The following TOX variants were observed in gnomAD, a reference collection of about 807,000 sequenced individuals.
TOX encodes thymocyte selection-associated high mobility group box protein TOX.
A neutral mutation model predicts 53.7 loss-of-function variants in TOX; 11 were observed. That is an observed-to-expected ratio of 0.20 (90% CI 0.13 to 0.34). The LOEUF (loss-of-function observed/expected upper bound fraction) is 0.34, where lower values mean the gene tolerates loss of function less well. TOX is among the 10% of genes least tolerant of loss of function. TOX has a pLI of 1.00. For missense variants in TOX, 570 were observed against 664.6 expected (o/e 0.86, Z 1.56); for synonymous variants, 225 against 245.3 (o/e 0.92, Z 0.77).
At chr8:59,015,410 C>T (rs1813989202) in intron 1 of TOX, among the ~76,000 whole-genome samples, 1 of 152,192 alleles carries the variant, frequency 6.6e-6, no homozygotes, top group Non-Finnish European at 1.5e-5. Context: ...CCTCCCCCAA[C>T]ATGCAAAATA....
chr8:58,890,159 G>GT, intron 3 of TOX, among the ~76,000 whole-genome samples: 1 of 152,062 alleles, frequency 6.6e-6, no homozygotes. Flanking sequence ...TACATCAATT[G>GT]TTCAGTAAAT....
At chr8:58,970,383 C>T (rs1812980479) in intron 1 of TOX, among the ~76,000 whole-genome samples, 1 of 152,198 alleles carries the variant, frequency 6.6e-6, no homozygotes, top group Non-Finnish European at 1.5e-5. Flanking sequence ...CTCCCACTTC[C>T]TTCTATTTCT....
intron 3 of TOX, among the ~76,000 whole-genome samples, chr8:58,928,267 T>C (rs1812198179): frequency 6.6e-6 from 1 of 152,240 alleles, no homozygotes; most frequent in Non-Finnish European, 1.5e-5. Flanking sequence ...CAGGCCAGCC[T>C]TGTGTGCTAT....
At chr8:58,987,966 G>A (rs1487877215) in intron 1 of TOX, among the ~76,000 whole-genome samples, 1 of 152,230 alleles carries the variant, frequency 6.6e-6, no homozygotes, top group Non-Finnish European at 1.5e-5. Context: ...GACATAACTA[G>A]TTGAAAGTAA....
At chr8:59,037,258 T>C (rs1010506152) in intron 1 of TOX, among the ~76,000 whole-genome samples, 1 of 151,912 alleles carries the variant, frequency 6.6e-6, no homozygotes, top group Non-Finnish European at 1.5e-5. Flanking sequence ...CAAATGTTGG[T>C]ATATTTCCTT....
chr8:59,009,584 G>A (rs1003605430), intron 1 of TOX, among the ~76,000 whole-genome samples: 8 of 151,996 alleles, frequency 5.3e-5, no homozygotes, highest in African/African-American at 1.9e-4. Flanking sequence ...TGTTGGCCAG[G>A]CTGGTCTCGA....
At chr8:58,987,205 C>A (rs1033393610) in intron 1 of TOX, among the ~76,000 whole-genome samples, 2 of 152,254 alleles carry the variant, frequency 1.3e-5, no homozygotes, top group Admixed American at 1.3e-4. Context: ...CCTTAGTGTT[C>A]CAGATGCATT....
chr8:58,939,912 G>A (rs1812407866), intron 2 of TOX, among the ~76,000 whole-genome samples: 1 of 152,214 alleles, frequency 6.6e-6, no homozygotes, highest in South Asian at 2.1e-4. Flanking sequence ...GATCAAACAT[G>A]TTTCACGGGG....
chr8:58,929,236 C>T (rs140786007), intron 3 of TOX, among the ~76,000 whole-genome samples: 2,643 of 151,942 alleles, frequency 0.017, 68 homozygotes, highest in African/African-American at 0.06. Context: ...AAAAAAGACA[C>T]GCTCTCTGGA....
chr8:59,007,902 C>T (rs1044288243), intron 1 of TOX, among the ~76,000 whole-genome samples: 3 of 152,156 alleles, frequency 2.0e-5, no homozygotes, highest in East Asian at 1.9e-4. Context: ...GCACTGATAA[C>T]CTGATTGAGG....
chr8:59,010,031 T>C (rs897555178), intron 1 of TOX, among the ~76,000 whole-genome samples: 15 of 152,238 alleles, frequency 9.9e-5, no homozygotes, highest in African/African-American at 3.6e-4. Context: ...ACTGGGGCAC[T>C]ATAGAGTTTC....
At chr8:59,074,058 C>T (rs1424675058) in intron 1 of TOX, among the ~76,000 whole-genome samples, 1 of 152,116 alleles carries the variant, frequency 6.6e-6, no homozygotes, top group Non-Finnish European at 1.5e-5. Flanking sequence ...GTACCACGAC[C>T]ACAAAATAAG....
chr8:59,068,297 G>GAT (rs1354380975), intron 1 of TOX, among the ~76,000 whole-genome samples: 3 of 151,834 alleles, frequency 2.0e-5, no homozygotes, highest in African/African-American at 7.3e-5. Context: ...ATTATGACAA[G>GAT]ATATAAGGCA....
At chr8:59,113,613 T>G (rs888440650) in intron 1 of TOX, among the ~76,000 whole-genome samples, 4 of 152,118 alleles carry the variant, frequency 2.6e-5, no homozygotes, top group African/African-American at 9.7e-5. Flanking sequence ...CAATGGTGAT[T>G]AGTATCCAGT....
At chr8:58,979,012 T>C (rs1813155886) in intron 1 of TOX, among the ~76,000 whole-genome samples, 2 of 152,242 alleles carry the variant, frequency 1.3e-5, no homozygotes, top group African/African-American at 4.8e-5. Flanking sequence ...TTGTAGTCCC[T>C]ACCATACTGA....
At chr8:58,872,465 G>GA (rs1811215076) in intron 3 of TOX, among the ~76,000 whole-genome samples, 3 of 151,234 alleles carry the variant, frequency 2.0e-5, no homozygotes, top group African/African-American at 7.3e-5. Flanking sequence ...GGAAAGGGAG[G>GA]GAAAAAAAAG....
At chr8:58,889,942 G>A (rs951508717) in intron 3 of TOX, among the ~76,000 whole-genome samples, 2 of 152,098 alleles carry the variant, frequency 1.3e-5, no homozygotes, top group African/African-American at 4.8e-5. Flanking sequence ...GGCTATATAT[G>A]TTATGACATA....
intron 1 of TOX, among the ~76,000 whole-genome samples, chr8:59,101,063 G>A (rs1804799504): frequency 6.6e-6 from 1 of 152,070 alleles, no homozygotes; most frequent in Non-Finnish European, 1.5e-5. Flanking sequence ...TTCTACTCTC[G>A]GTCATCTCAT....
At chr8:58,954,727 C>T (rs748076057) in intron 2 of TOX, among the ~76,000 whole-genome samples, 6 of 152,030 alleles carry the variant, frequency 3.9e-5, no homozygotes, top group Non-Finnish European at 8.8e-5. Context: ...AGAGTTAGGC[C>T]AAAAAGTAGA....
Sources: allele counts gnomAD v4.1 joint callset (sites outside exome capture counted in the v4.1 genomes callset), GRCh38; gene constraint gnomAD v4.1.1; transcripts MANE v1.5; gene names NCBI Gene and HGNC (gene_info 2026-07-23, HGNC 2026-07-21).